KLRG1: variants seen among roughly 807,000 people sequenced by gnomAD.
KLRG1 encodes the protein killer cell lectin like receptor G1.
A neutral mutation model predicts 21.8 loss-of-function variants in KLRG1; 16 were observed. That is an observed-to-expected ratio of 0.73 (90% CI 0.50 to 1.11). The LOEUF is 1.11. KLRG1 is among the 50% of genes most tolerant of loss of function. KLRG1 has a pLI of 0.00. For synonymous variants in KLRG1, 69 were observed against 75.9 expected, an observed-to-expected ratio of 0.91 and a Z score of 0.47; for missense variants, 173 against 218.3, an observed-to-expected ratio of 0.79 and a Z score of 1.31.
chr12:9,067,441 T>G, the KLRG1 span: 1 of 297,874 alleles, frequency 3.4e-6, no homozygotes, highest in South Asian at 3.6e-5. Context: ...CAGTCTTTTA[T>G]TTTCTCATAA....
At chr12:9,206,771 T>G in the KLRG1 span, among the ~76,000 whole-genome samples, 1 of 152,246 alleles carries the variant, frequency 6.6e-6, no homozygotes, top group African/African-American at 2.4e-5. Flanking sequence ...AGGCTTGTTG[T>G]TCTTTGTTCA....
chr12:9,160,185 T>A, the KLRG1 span: 1 of 1,087,436 alleles, frequency 9.2e-7, no homozygotes, highest in Middle Eastern at 2.1e-4. Flanking sequence ...AACATCCTAT[T>A]AGAGTGTGGG....
At chr12:9,042,617 T>C in the KLRG1 span, among the ~76,000 whole-genome samples, 5 of 152,344 alleles carry the variant, frequency 3.3e-5, no homozygotes, top group South Asian at 6.2e-4. Flanking sequence ...ACCTGTCTTA[T>C]GATTTATCAG....
At chr12:9,047,882 T>A in the KLRG1 span, among the ~76,000 whole-genome samples, 1 of 152,182 alleles carries the variant, frequency 6.6e-6, no homozygotes, top group Non-Finnish European at 1.5e-5. Context: ...CAAAAACCGA[T>A]AGAACTGCAA....
chr12:8,997,318 C>A (rs1947163219), intron 3 of KLRG1, among the ~76,000 whole-genome samples: 1 of 152,106 alleles, frequency 6.6e-6, no homozygotes, highest in African/African-American at 2.4e-5. Context: ...TGGTTTAATT[C>A]TTTTTCTTGC....
At chr12:9,168,377 T>A in the KLRG1 span, 1 of 152,474 alleles carries the variant, frequency 6.6e-6, no homozygotes, top group South Asian at 2.1e-4. Context: ...CAAGTGTAAG[T>A]AGACCTGGTG....
chr12:9,137,851 T>C, the KLRG1 span, among the ~76,000 whole-genome samples: 1 of 152,144 alleles, frequency 6.6e-6, no homozygotes, highest in Non-Finnish European at 1.5e-5. Flanking sequence ...GCAACTGATT[T>C]TTGTAAGTTG....
chr12:9,011,264 T>A (rs1947629195), downstream of KLRG1, among the ~76,000 whole-genome samples: 1 of 152,180 alleles, frequency 6.6e-6, no homozygotes, highest in Non-Finnish European at 1.5e-5. Flanking sequence ...CTTAAGGTTG[T>A]TACAAGAGAA....
chr12:9,041,597 C>G, the KLRG1 span, among the ~76,000 whole-genome samples: 1 of 152,180 alleles, frequency 6.6e-6, no homozygotes, highest in Non-Finnish European at 1.5e-5. Context: ...CTGGCAACTT[C>G]TACTGTCTCT....
the KLRG1 span, chr12:9,154,861 A>T: frequency 4.0e-5 from 63 of 1,592,840 alleles, no homozygotes; most frequent in Non-Finnish European, 5.1e-5. Flanking sequence ...GAAAAAGGAG[A>T]TAATTGTAAC....
At chr12:9,191,939 TGC>T in the KLRG1 span, among the ~76,000 whole-genome samples, 57 of 152,312 alleles carry the variant, frequency 3.7e-4, no homozygotes, top group African/African-American at 1.3e-3. Flanking sequence ...AGCTTTGTTT[TGC>T]TGTTAGAAGA....
At chr12:9,098,897 G>A in the KLRG1 span, 1 of 824,594 alleles carries the variant, frequency 1.2e-6, no homozygotes, top group Non-Finnish European at 1.8e-6. Flanking sequence ...TGTCAATCCT[G>A]AAGCTTTTTG....
intron 1 of KLRG1, among the ~76,000 whole-genome samples, chr12:8,959,291 T>C (rs1288599019): frequency 1.3e-5 from 2 of 152,222 alleles, no homozygotes; most frequent in African/African-American, 4.8e-5. Context: ...ACTTCTCCTG[T>C]AGGTAATATT....
At chr12:9,078,694 G>C in the KLRG1 span, among the ~76,000 whole-genome samples, 1,443 of 152,226 alleles carry the variant, frequency 9.5e-3, 21 homozygotes, top group African/African-American at 0.03. Flanking sequence ...CTTGAGTAAG[G>C]CTTTAAATCT....
At chr12:9,186,322 C>A in the KLRG1 span, among the ~76,000 whole-genome samples, 117 of 152,280 alleles carry the variant, frequency 7.7e-4, no homozygotes, top group Middle Eastern at 3.4e-3. Context: ...AGTACACAGA[C>A]CAGTGACACT....
chr12:9,033,961 C>T, the KLRG1 span, among the ~76,000 whole-genome samples: 1 of 152,160 alleles, frequency 6.6e-6, no homozygotes, highest in Non-Finnish European at 1.5e-5. Flanking sequence ...GGAGGCCTCC[C>T]AGAGAGCATC....
chr12:9,052,878 G>A, the KLRG1 span: 4 of 451,316 alleles, frequency 8.9e-6, no homozygotes, highest in Non-Finnish European at 1.8e-5. Flanking sequence ...CAGGCAGATG[G>A]TAGATACTCA....
At chr12:9,181,869 G>T in the KLRG1 span, 2 of 1,261,422 alleles carry the variant, frequency 1.6e-6, no homozygotes, top group Non-Finnish European at 2.2e-6. Flanking sequence ...GGAACTGTTG[G>T]GCAACTCATT....
chr12:9,020,762 T>C, the KLRG1 span, among the ~76,000 whole-genome samples: 1 of 152,244 alleles, frequency 6.6e-6, no homozygotes, highest in African/African-American at 2.4e-5. Context: ...AGTCTTTCTT[T>C]TTTCTTGGCT....
Sources: allele counts gnomAD v4.1 joint callset (sites outside exome capture counted in the v4.1 genomes callset), GRCh38; gene constraint gnomAD v4.1.1; transcripts MANE v1.5; gene names NCBI Gene and HGNC (gene_info 2026-07-23, HGNC 2026-07-21).